The following RIMBP2 variants were observed in gnomAD, a reference collection of about 807,000 sequenced individuals.
The protein encoded by RIMBP2 is RIMS binding protein 2.
Under a neutral mutation model 118.6 loss-of-function variants are expected in RIMBP2, and 48 were observed. The observed-to-expected ratio is 0.40, with a 90% CI of 0.32 to 0.51. The LOEUF (loss-of-function observed/expected upper bound fraction) is 0.51, where lower values mean the gene tolerates loss of function less well. Among genes scored for constraint, RIMBP2 ranks in the 20% least tolerant of loss-of-function variants. The pLI is 0.41. For synonymous variants in RIMBP2, 762 were observed against 742.9 expected (o/e 1.03, Z -0.42); for missense variants, 1,551 against 1,768.3 (o/e 0.88, Z 2.20).
At chr12:130,635,634 C>T (rs1172489624) in intron 1 of RIMBP2, among the ~76,000 whole-genome samples, 2 of 152,150 alleles carry the variant, frequency 1.3e-5, no homozygotes, top group African/African-American at 4.8e-5. Flanking sequence ...TTGAGAGCTG[C>T]ACCCCAAGAC....
chr12:130,566,552 T>G (rs531007223), intron 2 of RIMBP2, among the ~76,000 whole-genome samples: 1 of 152,314 alleles, frequency 6.6e-6, no homozygotes, highest in South Asian at 2.1e-4. Flanking sequence ...GTCCATGAGC[T>G]GAGGGTCAAA....
chr12:130,450,364 T>C lies in RIMBP2; in HGVS notation c.505-88A>G. 2.0e-6 allele frequency: 2 copies of C among 986,446 alleles called. No individual in the cohort carries two copies. Among genetic ancestry groups the C allele is most frequent in the Non-Finnish European group, 3.2e-6 (2 of 633,220 alleles). The allele number at this position is 986,446 out of a possible 1,614,324, so 61.1% of individuals were successfully genotyped here. A position where few individuals can be genotyped will look rare whatever the true frequency, so the allele number is the denominator to read the frequency against. ...GGCACACGGGAAAGCCCCTCGCAGC[T>C]TCCTGGGCCCCAGGAGGGACGGCCT... On this transcript the variant is annotated intron_variant, in intron 8 of 22. Coordinates refer to ENST00000690449, the MANE Select transcript of RIMBP2 (RefSeq NM_001393629.1). This position sits in a 1 kb window ranked among gnomAD's most constrained non-coding sequence, Gnocchi z 4.8.
At chr12:130,681,615 A>T (rs2136555615) in intron 1 of RIMBP2, among the ~76,000 whole-genome samples, 1 of 152,352 alleles carries the variant, frequency 6.6e-6, no homozygotes, top group East Asian at 1.9e-4. Context: ...AAGGTCGTGT[A>T]AATTAATTGC....
In RIMBP2 at chr12:130,451,223, C is replaced by T; in HGVS notation, c.476G>A (p.Gly159Asp). ...SAKPTFLSRS[G>D]SARCRSESDM... The stretch of plus-strand genomic sequence containing the variant: ...TGACTCAGATCTGCATCTTGCGCTA[C>T]CGGATCTCGACAGGAAGGTGGGCTT... The change falls in exon 8 of 23, where the codon GGT (glycine) becomes GAT (aspartate). Residue 159 changes from glycine to aspartate, a missense_variant. By Grantham distance (94) the Gly-to-Asp change is moderately conservative (BLOSUM62 -1). Coordinates refer to ENST00000690449, the MANE Select transcript of RIMBP2 (RefSeq NM_001393629.1). The T allele has an allele frequency of 1.2e-6, 2 of 1,614,092 alleles. No homozygotes were observed. Among genetic ancestry groups the T allele is most frequent in the South Asian group, 1.1e-5 (1 of 91,078 alleles).
intron 1 of RIMBP2, among the ~76,000 whole-genome samples, chr12:130,671,180 T>G (rs1361839147): frequency 6.6e-6 from 1 of 151,348 alleles, no homozygotes; most frequent in Non-Finnish European, 1.5e-5. Flanking sequence ...TTTTGTGACC[T>G]TGAGGGGGCA....
At chr12:130,675,524 C>T (rs2064415950) in intron 1 of RIMBP2, among the ~76,000 whole-genome samples, 3 of 151,136 alleles carry the variant, frequency 2.0e-5, no homozygotes, top group Admixed American at 2.0e-4. Context: ...TTCCTGTCCC[C>T]ACTCCCTTCC....
At position 130,542,033 on chromosome 12, in the gene RIMBP2, C is replaced by A. The variant is rs997816508; in HGVS notation, c.-216-24116G>T. Among the ~76,000 whole-genome samples, 7 of 152,146 alleles carry A rather than the reference C, an allele frequency of 4.6e-5. 1 individual carries two copies. The East Asian group carries it at 5.8e-4, about 13-fold the overall frequency. ...CTCAGAACTGGGGGTACAGCAAAAA[C>A]CACAGAAGGCAAAACCCCTATCATA... On this transcript the variant is annotated intron_variant, in intron 2 of 22. Transcript: ENST00000690449.
chr12:130,614,767 C>T (rs1033979076), intron 2 of RIMBP2, among the ~76,000 whole-genome samples: 1 of 151,844 alleles, frequency 6.6e-6, no homozygotes, highest in Non-Finnish European at 1.5e-5. Flanking sequence ...TGCAAAATCA[C>T]AAGTTAGAAT....
At chr12:130,428,077 G>T in intron 15 of RIMBP2, 102 bp downstream of exon 15, 1 of 1,152,920 alleles carries the variant, frequency 8.7e-7, no homozygotes, top group Non-Finnish European at 1.2e-6. Flanking sequence ...CTGGTTGTAG[G>T]GCAAGGCCCC....
chr12:130,681,439 T>C (rs2064779965), intron 1 of RIMBP2, among the ~76,000 whole-genome samples: 1 of 152,182 alleles, frequency 6.6e-6, no homozygotes, highest in African/African-American at 2.4e-5. Flanking sequence ...CAGAATTTTT[T>C]ATCACTCTAA....
At chr12:130,641,245 C>G (rs540699837) in intron 1 of RIMBP2, among the ~76,000 whole-genome samples, 6 of 152,170 alleles carry the variant, frequency 3.9e-5, no homozygotes, top group Admixed American at 6.5e-5. Flanking sequence ...GAGCCCTGAC[C>G]GCACTGCAAG....
chr12:130,546,891 C>A (rs2055230403), intron 2 of RIMBP2, among the ~76,000 whole-genome samples: 1 of 152,194 alleles, frequency 6.6e-6, no homozygotes, highest in South Asian at 2.1e-4. Context: ...TGGCCTATTT[C>A]CCTGTAGTTT....
chr12:130,534,932 T>C (rs188237539), intron 2 of RIMBP2, among the ~76,000 whole-genome samples: 201 of 152,330 alleles, frequency 1.3e-3, no homozygotes, highest in African/African-American at 4.7e-3. Context: ...GCCACCACTA[T>C]TGGGGCCACT....
At chr12:130,437,371 GC>G in intron 12 of RIMBP2, 80 bp from the exon 13 acceptor site, 1 of 1,178,958 alleles carries the variant, frequency 8.5e-7, no homozygotes, top group Non-Finnish European at 1.2e-6. Flanking sequence ...CCAGTCCTCT[GC>G]CCAGAGGCCA....
At chr12:130,418,837 C>G (rs2076251694) in intron 17 of RIMBP2, among the ~76,000 whole-genome samples, 1 of 152,178 alleles carries the variant, frequency 6.6e-6, no homozygotes, top group African/African-American at 2.4e-5. Context: ...AGTCCAAACT[C>G]ACATGGACCA....
chr12:130,643,034 T>C (rs1156382702), intron 1 of RIMBP2, among the ~76,000 whole-genome samples: 1 of 152,218 alleles, frequency 6.6e-6, no homozygotes, highest in Non-Finnish European at 1.5e-5. Context: ...TCCAAATCCC[T>C]GCCTCTCTAA....
chr12:130,542,756 C>T (rs1186227248), intron 2 of RIMBP2, among the ~76,000 whole-genome samples: 7 of 152,174 alleles, frequency 4.6e-5, no homozygotes, highest in Admixed American at 2.0e-4. Flanking sequence ...ATTCAACCTC[C>T]GGGAAAATGA....
Position 130,703,653 on chromosome 12 carries a change from T to C in RIMBP2, c.-352+12569A>G, listed in dbSNP as rs2065964772. On this transcript the variant is annotated intron_variant, in intron 1 of 22. Transcript: ENST00000690449. This position sits in a 1 kb window ranked among gnomAD's most constrained non-coding sequence, Gnocchi z 5.7. Reference sequence around the variant, plus strand: ...GCCACCGCCTAACCCTGATTAGCGCTCTACATCACCCACCGCTCAGCCTCC... The same window carrying C: ...GCCACCGCCTAACCCTGATTAGCGCCCTACATCACCCACCGCTCAGCCTCC... Among the ~76,000 whole-genome samples, 1 of 152,220 alleles carries C rather than the reference T, an allele frequency of 6.6e-6. No homozygotes were observed.
At chr12:130,553,095 G>T (rs2055974061) in intron 2 of RIMBP2, among the ~76,000 whole-genome samples, 1 of 151,820 alleles carries the variant, frequency 6.6e-6, no homozygotes, top group East Asian at 1.9e-4. Context: ...AGAGCTTGCA[G>T]TGAGCCGAGA....
Sources: allele counts gnomAD v4.1 joint callset (sites outside exome capture counted in the v4.1 genomes callset), GRCh38; gene constraint gnomAD v4.1.1; non-coding constraint Gnocchi (gnomAD v3.1); transcripts MANE v1.5; gene names NCBI Gene and HGNC (gene_info 2026-07-23, HGNC 2026-07-21).